Variants in PIKFYVE observed in about 807,000 individuals in gnomAD.
The protein encoded by PIKFYVE is 1-phosphatidylinositol 3-phosphate 5-kinase.
PIKFYVE carries 122 observed loss-of-function variants against 257.9 expected under a neutral mutation model. The ratio of observed to expected loss-of-function variants is 0.47; its 90% CI spans 0.41 to 0.55. The LOEUF is 0.55. PIKFYVE is among the 20% of genes least tolerant of loss of function. The pLI, the probability that PIKFYVE is intolerant of heterozygous loss-of-function variation, is 0.00. For missense variants in PIKFYVE, 2,160 were observed against 2,536.6 expected (o/e 0.85, Z 3.19); for synonymous variants, 892 against 868.9 (o/e 1.03, Z -0.47).
chr2:208,285,227 C>G (rs1024719854), intron 5 of PIKFYVE, among the ~76,000 whole-genome samples: 2 of 152,164 alleles, frequency 1.3e-5, no homozygotes, highest in African/African-American at 4.8e-5. Context: ...TCCTGAGTAG[C>G]TGGGATTACA....
At chr2:208,271,015 G>GT (rs1689353287) in intron 1 of PIKFYVE, among the ~76,000 whole-genome samples, 1 of 146,548 alleles carries the variant, frequency 6.8e-6, no homozygotes, top group Non-Finnish European at 1.5e-5. Context: ...CAGTCTGGGC[G>GT]ACAGAGCAAG....
rs780463169 is a variant in PIKFYVE at position 208,336,909 on chromosome 2, G to T, written c.4592G>T (p.Arg1531Ile). 1 of 1,612,398 alleles carries T rather than the reference G, an allele frequency of 6.2e-7. No individual in the cohort carries two copies. The highest frequency in any genetic ancestry group is 1.7e-5 in the Admixed American group (1 of 59,992). Residue 1531 changes from arginine (R) to isoleucine (I), a missense_variant, in exon 28 of 42, where the codon AGA becomes ATA. Physicochemically the swap from Arg to Ile is moderately conservative, Grantham distance 97. Coordinates refer to ENST00000264380, the MANE Select transcript of PIKFYVE (RefSeq NM_015040.4). ...PSVPPSPGRL[R>I]QGEESKISAM... ...GTTCCTCCAAGTCCTGGAAGACTGA[G>T]ACAAGGGGAAGAAAGCAAGGTATGA...
At position 208,310,042 on chromosome 2, in the gene PIKFYVE, C is replaced by T. The variant is rs1445138381; in HGVS notation, c.1637-2194C>T. On this transcript the variant is annotated intron_variant, in intron 12 of 41. Transcript: ENST00000264380. ...TCTTAATAAATATTACTGGCTTTCA[C>T]AGTTCTCTCTTAGTTTTTAACATAC... 2.0e-5 allele frequency among the ~76,000 whole-genome samples: 3 copies of T among 152,166 alleles called. No individual in the cohort carries two copies. The East Asian group carries it at 5.8e-4, about 29-fold the overall frequency.
rs1373489037 is a variant in PIKFYVE, at chr2:208,356,529, C to T, written c.*1224C>T. 1 of 152,440 alleles carries T rather than the reference C, an allele frequency of 6.6e-6. No homozygotes were observed. The highest frequency in any genetic ancestry group is 1.5e-5 in the Non-Finnish European group (1 of 68,142). The allele number at this position is 152,440 out of a possible 1,614,324, so 9.4% of individuals were successfully genotyped here. ...ATTAGCTGGGCATGGTGGCATATAC[C>T]TGTAACCCCAACTACTTGGGTGGCT... is the stretch of plus-strand genomic sequence containing the variant. On this transcript the variant is annotated 3_prime_UTR_variant, in exon 42 of 42. Coordinates refer to ENST00000264380, the MANE Select transcript of PIKFYVE (RefSeq NM_015040.4).
chr2:208,267,488 T>C (rs1286753967), intron 1 of PIKFYVE, among the ~76,000 whole-genome samples: 2 of 149,296 alleles, frequency 1.3e-5, no homozygotes, highest in African/African-American at 4.9e-5. Context: ...CTTTCCTAAA[T>C]TATTACATTG....
intron 9 of PIKFYVE, among the ~76,000 whole-genome samples, chr2:208,301,967 G>A (rs1181782290): frequency 6.6e-6 from 1 of 152,134 alleles, no homozygotes; most frequent in African/African-American, 2.4e-5. Context: ...ATAGGGTTGT[G>A]CGTGCATTGA....
intron 18 of PIKFYVE, 128 bp downstream of exon 18, chr2:208,324,410 G>T (rs1011106337): frequency 1.3e-5 from 12 of 935,208 alleles, no homozygotes; most frequent in Non-Finnish European, 1.8e-5. Context: ...TGGGACAGAA[G>T]ATATGGCACC....
chr2:208,321,524 A>G (rs1390327693), intron 17 of PIKFYVE, among the ~76,000 whole-genome samples: 3 of 151,916 alleles, frequency 2.0e-5, no homozygotes, highest in South Asian at 4.1e-4. Context: ...TTTAGTAGAG[A>G]ACTCTAAAGA....
chr2:208,325,065 T>C, intron 19 of PIKFYVE, 28 bp downstream of exon 19: 2 of 1,613,738 alleles, frequency 1.2e-6, no homozygotes, highest in South Asian at 2.2e-5. Flanking sequence ...TAGATTGACC[T>C]GAGGAAAAGA....
intron 27 of PIKFYVE, 84 bp downstream of exon 27, chr2:208,336,284 T>C: frequency 6.7e-7 from 1 of 1,489,340 alleles, no homozygotes; most frequent in Non-Finnish European, 9.3e-7. Flanking sequence ...AATTTTTAAT[T>C]ATGGATGTTT....
At chr2:208,320,511 A>ATTTTTTTTTTT in intron 17 of PIKFYVE, 152 bp downstream of exon 17, 1 of 879,752 alleles carries the variant, frequency 1.1e-6, no homozygotes, top group Non-Finnish European at 1.7e-6. Flanking sequence ...CATTATTTTT[A>ATTTTTTTTTTT]AAGTTTCATA....
intron 22 of PIKFYVE, among the ~76,000 whole-genome samples, chr2:208,330,161 G>GT (rs955112030): frequency 9.2e-5 from 14 of 152,092 alleles, no homozygotes; most frequent in East Asian, 1.9e-4. Context: ...TCGGATACCT[G>GT]TTTTTTTACA....
intron 6 of PIKFYVE, 64 bp from the exon 7 acceptor site, chr2:208,288,665 C>T (rs1042409398): frequency 2.3e-5 from 36 of 1,599,212 alleles, no homozygotes; most frequent in Middle Eastern, 1.7e-4. Flanking sequence ...AATGTTAAAG[C>T]GCCTCATTGA....
chr2:208,335,983 C>A, intron 26 of PIKFYVE, 63 bp from the exon 27 acceptor site: 1 of 1,595,678 alleles, frequency 6.3e-7, no homozygotes, highest in East Asian at 2.2e-5. Context: ...TTAATAATAG[C>A]AGTTTCTTTT....
rs560813708 is a variant in PIKFYVE at position 208,347,095 on chromosome 2, C to T, written c.5210-764C>T. Among the ~76,000 whole-genome samples the T allele has an allele frequency of 1.4e-4, 22 of 152,298 alleles. No homozygotes were observed. The South Asian group carries it at 1.7e-3, about 11-fold the overall frequency. ...GTACACATAGTTACACACCCCACCCCGCTCCCCTCTTCCCCTAAGTTGGCA... is the reference window on the plus strand; with the variant it reads ...GTACACATAGTTACACACCCCACCCTGCTCCCCTCTTCCCCTAAGTTGGCA... On this transcript the variant is annotated intron_variant, in intron 34 of 41. Coordinates refer to ENST00000264380, the MANE Select transcript of PIKFYVE (RefSeq NM_015040.4).
At chr2:208,332,769 G>GTA (rs982859733) in intron 23 of PIKFYVE, among the ~76,000 whole-genome samples, 63 of 150,844 alleles carry the variant, frequency 4.2e-4, no homozygotes, top group East Asian at 3.9e-3. Context: ...GTGTGTGTGT[G>GTA]TATATATATA....
chr2:208,343,833 C>CTT (rs10582492), intron 32 of PIKFYVE, among the ~76,000 whole-genome samples: 1 of 135,392 alleles, frequency 7.4e-6, no homozygotes, highest in African/African-American at 2.7e-5. Flanking sequence ...AGCTTTTAAA[C>CTT]TTTTTTTTTT....
chr2:208,326,984 CTAAT>C (rs570322702), intron 20 of PIKFYVE, among the ~76,000 whole-genome samples: 116 of 151,966 alleles, frequency 7.6e-4, no homozygotes, highest in South Asian at 1.5e-3. Flanking sequence ...AGCAATAAAA[CTAAT>C]TAACAAATCC....
rs1324614259 is a variant in PIKFYVE at position 208,324,930 on chromosome 2, G to C, written c.2351G>C (p.Ser784Thr). The change falls in exon 19 of 42, where the codon AGT becomes ACT. Residue 784 changes from serine to threonine, a missense_variant. Ser to Thr is a moderately conservative substitution (Grantham distance 58, BLOSUM62 1). Around this residue, in one of 12 missense-constraint regions of PIKFYVE, gnomAD observed 346 missense variants for 365.6 expected, o/e 0.95. Transcript: ENST00000264380. Reference sequence around the variant, plus strand: ...TTGTAGCAAGTTTTGGAACGAATCAGTCGAATGACCCAAGGTGATTTAGTG... The same window carrying C: ...TTGTAGCAAGTTTTGGAACGAATCACTCGAATGACCCAAGGTGATTTAGTG... Reference protein sequence around the residue: ...NVKSQVLERISRMTQGDLVMS... With the variant: ...NVKSQVLERITRMTQGDLVMS... The C allele has an allele frequency of 6.2e-7, 1 of 1,613,896 alleles. No individual in the cohort carries two copies. The highest frequency in any genetic ancestry group is 1.3e-5 in the African/African-American group (1 of 74,910).
Sources: allele counts gnomAD v4.1 joint callset (sites outside exome capture counted in the v4.1 genomes callset), GRCh38; gene constraint gnomAD v4.1.1; regional missense constraint gnomAD v4.1.1; transcripts MANE v1.5; gene names NCBI Gene and HGNC (gene_info 2026-07-23, HGNC 2026-07-21).